Variants in PTPRJ observed in about 807,000 individuals in gnomAD.
PTPRJ encodes the protein protein tyrosine phosphatase receptor type J, also known as receptor-type tyrosine-protein phosphatase eta.
PTPRJ carries 129 observed loss-of-function variants against 141.3 expected under a neutral mutation model. The observed-to-expected ratio is 0.91, with a 90% CI of 0.79 to 1.06. The LOEUF (loss-of-function observed/expected upper bound fraction) is 1.06. Among genes scored for constraint, PTPRJ ranks in the 50% least tolerant of loss-of-function variants. The pLI is 0.00. For missense variants in PTPRJ, 1,601 were observed against 1,679.7 expected (o/e 0.95, Z 0.82); for synonymous variants, 610 against 640.5 (o/e 0.95, Z 0.72).
chr11:48,132,243 A>C (rs1856997110), intron 8 of PTPRJ: 1 of 985,210 alleles, frequency 1.0e-6, no homozygotes, highest in Admixed American at 6.2e-5. Context: ...AAATTGATAA[A>C]ATCATTTTAT....
chr11:48,108,564 C>T (rs1328733535), intron 1 of PTPRJ, among the ~76,000 whole-genome samples: 1 of 152,154 alleles, frequency 6.6e-6, no homozygotes, highest in African/African-American at 2.4e-5. Flanking sequence ...CCTCAGAATG[C>T]GTTTGCAAGT....
At chr11:48,084,653 G>C (rs151043809) in intron 1 of PTPRJ, among the ~76,000 whole-genome samples, 1 of 152,162 alleles carries the variant, frequency 6.6e-6, no homozygotes, top group Non-Finnish European at 1.5e-5. Context: ...AAGCAGACGA[G>C]CTCTGACTGC....
intron 18 of PTPRJ, among the ~76,000 whole-genome samples, chr11:48,152,851 C>T (rs569520317): frequency 1.5e-4 from 23 of 152,174 alleles, no homozygotes; most frequent in Non-Finnish European, 3.2e-4. Flanking sequence ...AGTTTGACGT[C>T]AGCTAGCATG....
At chr11:48,095,353 G>A (rs1232491709) in intron 1 of PTPRJ, among the ~76,000 whole-genome samples, 1 of 152,194 alleles carries the variant, frequency 6.6e-6, no homozygotes, top group Non-Finnish European at 1.5e-5. Flanking sequence ...TTGGAAGAGA[G>A]CAACTCTTTC....
chr11:47,995,439 G>C (rs1386746395), intron 1 of PTPRJ, among the ~76,000 whole-genome samples: 1 of 152,188 alleles, frequency 6.6e-6, no homozygotes, highest in Non-Finnish European at 1.5e-5. Flanking sequence ...AGGACAGCTG[G>C]ACTTGGGCCA....
intron 1 of PTPRJ, among the ~76,000 whole-genome samples, chr11:48,047,898 A>G (rs769534455): frequency 2.0e-5 from 3 of 152,104 alleles, no homozygotes; most frequent in Non-Finnish European, 4.4e-5. Context: ...GTTCCACTGC[A>G]CATGCAGCCT....
In PTPRJ at chr11:48,139,696, C is replaced by T. The variant is rs375286529; in HGVS notation, c.2363C>T (p.Ser788Leu). The T allele has an allele frequency of 1.3e-5, 21 of 1,613,998 alleles. No individual in the cohort carries two copies. The East Asian group carries it at 1.6e-4, about 12-fold the overall frequency. The part of the protein sequence containing the change: ...TEVTYLNFST[S>L]YNISITTVSC... ...GTCACGTATTTGAATTTTTCTACCT[C>T]GTACAACATCAGCATCACCACTGTG... The change falls in exon 11 of 25, where the codon TCG (serine) becomes TTG (leucine). Residue 788 changes from serine to leucine, a missense_variant. Physicochemically the swap from Ser to Leu is moderately radical, Grantham distance 145. Transcript: ENST00000418331.
At chr11:48,054,820 T>C (rs1671172542) in intron 1 of PTPRJ, among the ~76,000 whole-genome samples, 1 of 151,108 alleles carries the variant, frequency 6.6e-6, no homozygotes, top group Non-Finnish European at 1.5e-5. Context: ...TTTCTTTCTT[T>C]TTTTTTTTTT....
chr11:48,088,410 G>T (rs1390581063), intron 1 of PTPRJ, among the ~76,000 whole-genome samples: 2 of 152,204 alleles, frequency 1.3e-5, no homozygotes, highest in Admixed American at 1.3e-4. Context: ...TGTGGGAATG[G>T]AGTGGCCCTG....
intron 24 of PTPRJ, among the ~76,000 whole-genome samples, chr11:48,166,993 A>G (rs1282961771): frequency 6.6e-6 from 1 of 152,034 alleles, no homozygotes; most frequent in Non-Finnish European, 1.5e-5. Flanking sequence ...CTTCTGGTTG[A>G]GAATCATTGA....
At chr11:48,097,321 T>G (rs1430353434) in intron 1 of PTPRJ, among the ~76,000 whole-genome samples, 2 of 152,166 alleles carry the variant, frequency 1.3e-5, no homozygotes, top group Non-Finnish European at 2.9e-5. Flanking sequence ...CATGGCTCAT[T>G]CAGGGAATTT....
intron 2 of PTPRJ, 25 bp downstream of exon 2, chr11:48,110,101 C>G (rs1470416259): frequency 1.2e-6 from 2 of 1,609,950 alleles, no homozygotes; most frequent in Admixed American, 3.3e-5. Flanking sequence ...CCTCTCTATT[C>G]TTGTGTTGTT....
Position 48,059,109 on chromosome 11 carries a change from CCTTTT to C in PTPRJ, c.97-50948_97-50944del, listed in dbSNP as rs1279697703. On this transcript the variant is annotated intron_variant, in intron 1 of 24. Transcript: ENST00000418331. Reference sequence around the variant, plus strand: ...CCTGATCGCTCCCTACTGTGCTGTGCCTTTTTTTTTTTTTTTTTTTTTTTTTTGAG... The same window carrying C: ...CCTGATCGCTCCCTACTGTGCTGTGCTTTTTTTTTTTTTTTTTTTTTTGAG... Among the ~76,000 whole-genome samples, 76 of 125,912 alleles carry C rather than the reference CCTTTT, an allele frequency of 6.0e-4. 2 individuals carry two copies. The highest frequency in any genetic ancestry group is 2.5e-3 in the African/African-American group (71 of 28,256). The allele number at this position is 125,912 out of a possible 152,430, so 82.6% of individuals were successfully genotyped here. A position where few individuals can be genotyped will look rare whatever the true frequency, so the allele number is the denominator to read the frequency against.
chr11:48,139,500 G>GC lies in PTPRJ; in HGVS notation c.2169dup (p.Ser724LeufsTer28), dbSNP rs1358286621. The stretch of plus-strand genomic sequence containing the variant: ...TTGCTTTGCAGATCCTGCGTCCATG[G>GC]CCTCCTTCGACTGCGAAGTGGTCCC... On this transcript the variant is annotated frameshift_variant, in exon 11 of 25. Transcript: ENST00000418331. LOFTEE classifies it high-confidence loss of function. 6.2e-7 allele frequency: 1 copy of GC among 1,613,764 alleles called. No homozygotes were observed. The highest frequency in any genetic ancestry group is 8.5e-7 in the Non-Finnish European group (1 of 1,179,664).
At position 48,137,086 on chromosome 11, in the gene PTPRJ, C is replaced by T. The variant is rs753039768; in HGVS notation, c.1957C>T (p.Pro653Ser). Residue 653 changes from proline to serine, a missense_variant, in exon 10 of 25, where the codon CCC becomes TCC. Physicochemically the swap from Pro to Ser is moderately conservative, Grantham distance 74. Transcript: ENST00000418331. The part of the protein sequence containing the change: ...LSWQNFDDAS[P>S]TYSYCLLIEK... Reference sequence around the variant, plus strand: ...TTGGCAGAACTTTGATGACGCCTCTCCCACGTACTCCTACTGCCTTCTTAT... The same window carrying T: ...TTGGCAGAACTTTGATGACGCCTCTTCCACGTACTCCTACTGCCTTCTTAT... 4.4e-6 allele frequency: 7 copies of T among 1,605,052 alleles called. No homozygotes were observed. The South Asian group carries it at 6.6e-5, about 15-fold the overall frequency.
chr11:48,143,173 C>A (rs1263675212), intron 12 of PTPRJ, 123 bp downstream of exon 12: 4 of 1,267,092 alleles, frequency 3.2e-6, no homozygotes, highest in Non-Finnish European at 3.2e-6. Context: ...GCAGCCTATG[C>A]TGTGTACTCA....
intron 18 of PTPRJ, among the ~76,000 whole-genome samples, chr11:48,151,166 T>A (rs913826724): frequency 6.6e-6 from 1 of 152,038 alleles, no homozygotes; most frequent in Non-Finnish European, 1.5e-5. Flanking sequence ...CAACAGAAAT[T>A]TACTGTCTAG....
intron 10 of PTPRJ, 101 bp from the exon 11 acceptor site, chr11:48,139,373 TCCACCACATCAC>T: frequency 8.5e-7 from 1 of 1,181,414 alleles, no homozygotes; most frequent in Non-Finnish European, 1.2e-6. Flanking sequence ...CCCTGCCTCT[TCCACCACATCAC>T]CCACCCACCT....
At chr11:48,155,736 T>G in intron 19 of PTPRJ, 65 bp from the exon 20 acceptor site, 1 of 1,371,854 alleles carries the variant, frequency 7.3e-7, no homozygotes, top group Non-Finnish European at 1.0e-6. Context: ...TTTTTTTCTG[T>G]TTTGTGTCCA....
Sources: allele counts gnomAD v4.1 joint callset (sites outside exome capture counted in the v4.1 genomes callset), GRCh38; gene constraint gnomAD v4.1.1; transcripts MANE v1.5; gene names NCBI Gene and HGNC (gene_info 2026-07-23, HGNC 2026-07-21).